Variants in ADAMTS19 observed in about 807,000 individuals in gnomAD.
The protein encoded by ADAMTS19 is A disintegrin and metalloproteinase with thrombospondin motifs 19.
In ADAMTS19, 93 loss-of-function variants were observed where a neutral mutation model predicts 153.3. That is an observed-to-expected ratio of 0.61 (90% CI 0.51 to 0.72). The LOEUF is 0.72. ADAMTS19 is among the 30% of genes least tolerant of loss of function. The probability of loss-of-function intolerance (pLI) is 0.00; values close to 1 mark genes in which losing one functional copy is unlikely to be tolerated. For synonymous variants in ADAMTS19, 600 were observed against 556.6 expected (o/e 1.08, Z -1.10); for missense variants, 1,482 against 1,552.1 (o/e 0.95, Z 0.76).
At chr5:129,467,663 A>G (rs563522588) in intron 2 of ADAMTS19, among the ~76,000 whole-genome samples, 2 of 152,338 alleles carry the variant, frequency 1.3e-5, no homozygotes, top group African/African-American at 4.8e-5. Flanking sequence ...ATTCTGAGGA[A>G]GAGTCATTTA....
intron 2 of ADAMTS19, among the ~76,000 whole-genome samples, chr5:129,490,936 T>A (rs1750745921): frequency 6.6e-6 from 1 of 152,172 alleles, no homozygotes; most frequent in Admixed American, 6.5e-5. Flanking sequence ...GCAAATATTT[T>A]CAGTGAAACT....
intron 10 of ADAMTS19, among the ~76,000 whole-genome samples, chr5:129,641,060 G>T (rs1752767071): frequency 6.6e-6 from 1 of 152,086 alleles, no homozygotes; most frequent in Admixed American, 6.6e-5. Flanking sequence ...CAATATGTGT[G>T]AGTCTAAAAA....
At chr5:129,494,384 C>T (rs951025969) in intron 2 of ADAMTS19, among the ~76,000 whole-genome samples, 2 of 152,066 alleles carry the variant, frequency 1.3e-5, no homozygotes, top group African/African-American at 4.8e-5. Context: ...TGTCTGACTC[C>T]TCCCTTTTAG....
chr5:129,637,150 G>A (rs1248895730), intron 10 of ADAMTS19, among the ~76,000 whole-genome samples: 1 of 152,036 alleles, frequency 6.6e-6, no homozygotes, highest in Non-Finnish European at 1.5e-5. Context: ...TGACATATTT[G>A]CTATAGATTT....
chr5:129,690,488 T>C (rs1755283846), intron 18 of ADAMTS19, among the ~76,000 whole-genome samples: 1 of 152,200 alleles, frequency 6.6e-6, no homozygotes, highest in Non-Finnish European at 1.5e-5. Flanking sequence ...AAGATCAGAT[T>C]AGTTATATAT....
At chr5:129,627,823 A>T (rs1441889148) in intron 10 of ADAMTS19, among the ~76,000 whole-genome samples, 2 of 152,142 alleles carry the variant, frequency 1.3e-5, no homozygotes, top group Non-Finnish European at 2.9e-5. Flanking sequence ...AGAAAAGGGA[A>T]GACTTATACA....
intron 10 of ADAMTS19, among the ~76,000 whole-genome samples, chr5:129,624,754 G>T (rs1463909939): frequency 2.6e-5 from 4 of 152,068 alleles, no homozygotes; most frequent in Admixed American, 2.0e-4. Context: ...AATTTTGCTA[G>T]TGCCATTCTA....
chr5:129,687,262 C>T (rs1755136883), intron 18 of ADAMTS19, among the ~76,000 whole-genome samples: 1 of 152,112 alleles, frequency 6.6e-6, no homozygotes, highest in African/African-American at 2.4e-5. Flanking sequence ...GATGGACAGA[C>T]AGGCTGATGG....
intron 10 of ADAMTS19, among the ~76,000 whole-genome samples, chr5:129,637,620 G>A (rs113390558): frequency 2.0e-5 from 3 of 152,278 alleles, no homozygotes; most frequent in South Asian, 2.1e-4. Flanking sequence ...CGATGCGGGC[G>A]GATCAGCTGA....
chr5:129,527,853 T>A (rs767351525), intron 5 of ADAMTS19, 22 bp downstream of exon 5: 3 of 1,472,398 alleles, frequency 2.0e-6, no homozygotes, highest in Non-Finnish European at 9.4e-7. Flanking sequence ...TTGAGTTTTT[T>A]ATTAAATTAA....
chr5:129,546,855 A>C (rs1290788406), intron 6 of ADAMTS19, among the ~76,000 whole-genome samples: 1 of 151,066 alleles, frequency 6.6e-6, no homozygotes. Flanking sequence ...TTTAAAAGAA[A>C]CCGTCTAATT....
intron 7 of ADAMTS19, among the ~76,000 whole-genome samples, chr5:129,579,317 C>T (rs1449333775): frequency 6.6e-6 from 1 of 151,916 alleles, no homozygotes. Flanking sequence ...TGATTAAGTT[C>T]TTTGTAGATT....
rs540851012 is a variant in ADAMTS19, at chr5:129,620,841, A to C, written c.1619+83A>C. On this transcript the variant is annotated intron_variant, in intron 9 of 22. Coordinates refer to ENST00000274487, the MANE Select transcript of ADAMTS19 (RefSeq NM_133638.6). ...TACAAATAGAGAAGCCAGTGTGGCAAAGTGGAAAGGCCACCAGAGTAAAAC... is the reference window on the plus strand; with the variant it reads ...TACAAATAGAGAAGCCAGTGTGGCACAGTGGAAAGGCCACCAGAGTAAAAC... 3.6e-4 allele frequency: 514 copies of C among 1,445,996 alleles called. 1 individual carries two copies. Among genetic ancestry groups the C allele is most frequent in the Admixed American group, 7.1e-4 (36 of 51,004 alleles). 89.6% of individuals were successfully genotyped at this position (1,445,996 alleles called of 1,614,324 possible).
At chr5:129,506,079 T>C (rs1055371438) in intron 2 of ADAMTS19, among the ~76,000 whole-genome samples, 1 of 152,216 alleles carries the variant, frequency 6.6e-6, no homozygotes, top group African/African-American at 2.4e-5. Flanking sequence ...TGTTCTTTCA[T>C]AGCTTGTAAA....
intron 8 of ADAMTS19, among the ~76,000 whole-genome samples, chr5:129,612,372 C>T (rs141265059): frequency 1.3e-5 from 2 of 151,808 alleles, no homozygotes; most frequent in African/African-American, 4.8e-5. Context: ...TCCAGTCTAT[C>T]GTTGTTGGAC....
chr5:129,612,590 A>G (rs187476874), intron 8 of ADAMTS19, among the ~76,000 whole-genome samples: 174 of 152,264 alleles, frequency 1.1e-3, no homozygotes, highest in African/African-American at 4.0e-3. Flanking sequence ...AAACATGCCA[A>G]ATTGTAAAGA....
At chr5:129,678,236 C>T (rs1453081775) in intron 16 of ADAMTS19, among the ~76,000 whole-genome samples, 1 of 152,156 alleles carries the variant, frequency 6.6e-6, no homozygotes, top group Non-Finnish European at 1.5e-5. Flanking sequence ...CATGGGTCTC[C>T]TGGTCCTGGT....
At chr5:129,523,961 A>C (rs1751914573) in intron 3 of ADAMTS19, among the ~76,000 whole-genome samples, 1 of 152,164 alleles carries the variant, frequency 6.6e-6, no homozygotes, top group Non-Finnish European at 1.5e-5. Flanking sequence ...TAGAAAAACT[A>C]CTGTAAATTT....
intron 21 of ADAMTS19, among the ~76,000 whole-genome samples, chr5:129,714,270 T>A (rs1433004816): frequency 6.8e-6 from 1 of 147,012 alleles, no homozygotes; most frequent in Non-Finnish European, 1.5e-5. Flanking sequence ...ATACAAAAAA[T>A]TAGCCGGGCG....
Sources: gnomAD v4.1 joint callset for allele counts (sites outside exome capture counted in the v4.1 genomes callset) on GRCh38, gnomAD v4.1.1 for gene constraint, MANE v1.5 for transcripts, NCBI Gene and HGNC (gene_info 2026-07-23, HGNC 2026-07-21) for gene names.